Variants in FOXP2 observed in about 807,000 individuals in gnomAD.
The protein encoded by FOXP2 is forkhead box P2, also known as forkhead box protein P2.
A neutral mutation model predicts 115.8 loss-of-function variants in FOXP2; 12 were observed. The observed-to-expected ratio is 0.10, with a 90% CI of 0.07 to 0.17. The LOEUF is 0.17. Among genes scored for constraint, FOXP2 ranks in the 10% least tolerant of loss-of-function variants. FOXP2 has a pLI of 1.00. For synonymous variants in FOXP2, 328 were observed against 297.7 expected, an observed-to-expected ratio of 1.10 and a Z score of -1.05; for missense variants, 629 against 843.5, an observed-to-expected ratio of 0.75 and a Z score of 3.15.
chr7:114,662,830 T>A (rs1054686124), intron 14 of FOXP2, among the ~76,000 whole-genome samples: 1 of 152,118 alleles, frequency 6.6e-6, no homozygotes, highest in African/African-American at 2.4e-5. Context: ...CAAAATATAG[T>A]AAAACACATT....
intron 3 of FOXP2, among the ~76,000 whole-genome samples, chr7:114,585,217 C>G (rs1227325485): frequency 1.3e-5 from 2 of 152,136 alleles, no homozygotes; most frequent in African/African-American, 2.4e-5. Context: ...GTTTACTAGT[C>G]TTTATGTCAG....
chr7:114,364,783 T>C (rs1791837855), intron 2 of FOXP2, among the ~76,000 whole-genome samples: 1 of 152,180 alleles, frequency 6.6e-6, no homozygotes, highest in South Asian at 2.1e-4. Flanking sequence ...AATCAGTCTG[T>C]ACTGAATATT....
At chr7:114,544,001 GT>G (rs770825934) in intron 3 of FOXP2, among the ~76,000 whole-genome samples, 1 of 152,060 alleles carries the variant, frequency 6.6e-6, no homozygotes, top group South Asian at 2.1e-4. Context: ...TGCCTAGCAT[GT>G]TTTTTTCTTT....
chr7:114,229,938 A>T (rs1794833379), intron 1 of FOXP2, among the ~76,000 whole-genome samples: 1 of 151,844 alleles, frequency 6.6e-6, no homozygotes, highest in African/African-American at 2.4e-5. Context: ...ATTTAAAAAA[A>T]TCAACAAAAC....
intron 2 of FOXP2, among the ~76,000 whole-genome samples, chr7:114,373,074 GC>G (rs1278284719): frequency 6.6e-6 from 1 of 151,786 alleles, no homozygotes; most frequent in African/African-American, 2.4e-5. Flanking sequence ...CTCACTGCAA[GC>G]TCCACCTCCC....
chr7:114,284,043 C>T (rs1450839070), intron 1 of FOXP2, among the ~76,000 whole-genome samples: 1 of 152,074 alleles, frequency 6.6e-6, no homozygotes, highest in Non-Finnish European at 1.5e-5. Flanking sequence ...TAATATAATT[C>T]CTTACAGAAG....
At chr7:114,638,742 G>A (rs1315787927) in intron 6 of FOXP2, among the ~76,000 whole-genome samples, 2 of 152,082 alleles carry the variant, frequency 1.3e-5, no homozygotes, top group Admixed American at 6.6e-5. Flanking sequence ...GTGGGTTGTG[G>A]TAAGGCCTTT....
At chr7:114,628,876 A>C in intron 4 of FOXP2, 199 bp downstream of exon 4, 1 of 615,766 alleles carries the variant, frequency 1.6e-6, no homozygotes, top group Non-Finnish European at 2.7e-6. Context: ...AAAAATTATT[A>C]AAGTCTAGAA....
At chr7:114,624,245 A>T (rs1249234186) in intron 3 of FOXP2, among the ~76,000 whole-genome samples, 1 of 151,948 alleles carries the variant, frequency 6.6e-6, no homozygotes, top group Non-Finnish European at 1.5e-5. Flanking sequence ...CATAAGAACA[A>T]ATTTTGCTTT....
chr7:114,593,278 T>A (rs1000928101), intron 3 of FOXP2, among the ~76,000 whole-genome samples: 1 of 151,952 alleles, frequency 6.6e-6, no homozygotes, highest in African/African-American at 2.4e-5. Context: ...ATAGTTTTAA[T>A]ATAGCCCAGA....
At chr7:114,313,380 T>C (rs1474069313) in intron 2 of FOXP2, among the ~76,000 whole-genome samples, 1 of 152,206 alleles carries the variant, frequency 6.6e-6, no homozygotes, top group Non-Finnish European at 1.5e-5. Context: ...TGGAGAATTT[T>C]TGGTAAAGAT....
intron 2 of FOXP2, among the ~76,000 whole-genome samples, chr7:114,304,717 C>T (rs1453495456): frequency 1.4e-5 from 2 of 138,914 alleles, no homozygotes; most frequent in Non-Finnish European, 3.1e-5. Flanking sequence ...GTGGAAATTT[C>T]ATAAATTGAA....
intron 2 of FOXP2, among the ~76,000 whole-genome samples, chr7:114,473,740 C>T (rs1459536286): frequency 6.6e-6 from 1 of 152,038 alleles, no homozygotes; most frequent in African/African-American, 2.4e-5. Flanking sequence ...AAGTTTTCTC[C>T]CCACAGTTCT....
At chr7:114,676,623 A>T (rs887592211) in intron 16 of FOXP2, among the ~76,000 whole-genome samples, 6 of 152,200 alleles carry the variant, frequency 3.9e-5, no homozygotes, top group Non-Finnish European at 7.4e-5. Context: ...GTGCTAGGAC[A>T]GGTGACAAGG....
At chr7:114,680,619 C>T (rs1484295259) in intron 16 of FOXP2, among the ~76,000 whole-genome samples, 2 of 151,940 alleles carry the variant, frequency 1.3e-5, no homozygotes. Context: ...CTGCCTTAAG[C>T]TATGTTAAAA....
intron 2 of FOXP2, among the ~76,000 whole-genome samples, chr7:114,380,511 G>C (rs969187862): frequency 1.3e-5 from 2 of 152,244 alleles, no homozygotes; most frequent in Non-Finnish European, 2.9e-5. Flanking sequence ...ATCAGTCAAG[G>C]GAACCTCTAA....
intron 1 of FOXP2, among the ~76,000 whole-genome samples, chr7:114,276,649 C>T (rs1229568375): frequency 1.3e-5 from 2 of 152,152 alleles, no homozygotes; most frequent in Non-Finnish European, 2.9e-5. Flanking sequence ...GCATCAATTA[C>T]AGCTCAGGTT....
chr7:114,551,188 T>C (rs191290552), intron 3 of FOXP2, among the ~76,000 whole-genome samples: 63 of 152,294 alleles, frequency 4.1e-4, no homozygotes, highest in Admixed American at 1.4e-3. Flanking sequence ...AGTATTTCCA[T>C]GTATTAGAAT....
intron 2 of FOXP2, among the ~76,000 whole-genome samples, chr7:114,491,005 C>T (rs1215533911): frequency 6.6e-6 from 1 of 152,132 alleles, no homozygotes; most frequent in African/African-American, 2.4e-5. Flanking sequence ...TTTTATAATC[C>T]TTTGGGTATA....
Sources: allele counts gnomAD v4.1 joint callset (sites outside exome capture counted in the v4.1 genomes callset), GRCh38; gene constraint gnomAD v4.1.1; transcripts MANE v1.5; gene names NCBI Gene and HGNC (gene_info 2026-07-23, HGNC 2026-07-21).